The following PHOSPHO1 variants were observed in gnomAD, a reference collection of about 807,000 sequenced individuals.
PHOSPHO1 encodes the protein phosphoethanolamine/phosphocholine phosphatase.
Under a neutral mutation model 17.7 loss-of-function variants are expected in PHOSPHO1, and 6 were observed. That is an observed-to-expected ratio of 0.34 (90% CI 0.19 to 0.67). The LOEUF is 0.67. Among genes scored for constraint, PHOSPHO1 ranks in the 30% least tolerant of loss-of-function variants. The pLI is 0.69. For missense variants in PHOSPHO1, 330 were observed against 392.1 expected (o/e 0.84, Z 1.34); for synonymous variants, 159 against 174.6 (o/e 0.91, Z 0.71).
chr17:49,224,789 C>G lies in PHOSPHO1; in HGVS notation c.261G>C (p.Arg87=). ...KYLGEQGVRP[R]DLSAIYEAIP... is the part of the protein sequence containing the mutation. ...TGGCTTCGTAGATGGCGCTCAGGTCCCGCGGCCGCACGCCCTGCTCGCCCA... is the reference window on the plus strand; with the variant it reads ...TGGCTTCGTAGATGGCGCTCAGGTCGCGCGGCCGCACGCCCTGCTCGCCCA... The change falls in exon 3 of 3, where the codon CGG becomes CGC. Residue 87 remains arginine, a synonymous_variant. Coordinates refer to ENST00000310544, the MANE Select transcript of PHOSPHO1 (RefSeq NM_178500.4). 6.3e-7 allele frequency: 1 copy of G among 1,598,692 alleles called. No homozygotes were observed. The highest frequency in any genetic ancestry group is 8.5e-7 in the Non-Finnish European group (1 of 1,173,086).
At chr17:49,228,993 A>G (rs605256) in intron 1 of PHOSPHO1, 1 of 17,664 alleles carries the variant, frequency 5.7e-5, no homozygotes, top group African/African-American at 1.2e-4. Flanking sequence ...CACACACACA[A>G]AACTCCTCAT....
intron 1 of PHOSPHO1, among the ~76,000 whole-genome samples, chr17:49,227,698 CAG>C (rs2043371060): frequency 6.6e-6 from 1 of 152,192 alleles, no homozygotes; most frequent in Non-Finnish European, 1.5e-5. Context: ...CGCCCCAGGA[CAG>C]AGACGGGGAC....
In PHOSPHO1 at chr17:49,224,945, C is replaced by T. The variant is rs763776397; in HGVS notation, c.105G>A (p.Glu35=). ...CGTCGCTGTTTTCGTCCACGATAGT[C>T]TCGTCGAAGTCGAAGGTCAGGAGGA... is the stretch of plus-strand genomic sequence containing the variant. The part of the protein sequence containing the change: ...PRFLLTFDFD[E]TIVDENSDDS... The change falls in exon 3 of 3, where the codon GAG becomes GAA. Residue 35 remains glutamate, a synonymous_variant. Transcript: ENST00000310544. The T allele has an allele frequency of 6.3e-6, 10 of 1,586,644 alleles. No individual in the cohort carries two copies. The African/African-American group carries it at 1.1e-4, about 17-fold the overall frequency.
At position 49,230,739 on chromosome 17, in the gene PHOSPHO1, CG is replaced by C; in HGVS notation, c.-340del. ...AGCCGCCGCGTCCCCTTTAAATGCC[CG>C]GGAGCCGGAGCCGGAGCCGGAGCCG... is the stretch of plus-strand genomic sequence containing the variant. On this transcript the variant is annotated 5_prime_UTR_variant, in exon 1 of 3. Transcript: ENST00000310544. 1 of 156,058 alleles carries C rather than the reference CG, an allele frequency of 6.4e-6. No homozygotes were observed. Among genetic ancestry groups the C allele is most frequent in the East Asian group, 1.9e-4 (1 of 5,274 alleles). The allele number at this position is 156,058 out of a possible 1,614,324, so 9.7% of individuals were successfully genotyped here. A position where few individuals can be genotyped will look rare whatever the true frequency, so the allele number is the denominator to read the frequency against.
intron 1 of PHOSPHO1, among the ~76,000 whole-genome samples, chr17:49,230,086 G>A (rs962958645): frequency 1.3e-5 from 2 of 152,056 alleles, no homozygotes; most frequent in African/African-American, 4.8e-5. Context: ...GGGATCCTAG[G>A]GGCAGGGGCA....
chr17:49,223,868 T>G lies in PHOSPHO1; in HGVS notation c.*378A>C, dbSNP rs1341069477. 1 of 192,314 alleles carries G rather than the reference T, an allele frequency of 5.2e-6. No individual in the cohort carries two copies. Among genetic ancestry groups the G allele is most frequent in the South Asian group, 1.7e-4 (1 of 5,980 alleles). The allele number at this position is 192,314 out of a possible 1,614,324, so 11.9% of individuals were successfully genotyped here. A position where few individuals can be genotyped will look rare whatever the true frequency, so the allele number is the denominator to read the frequency against. The stretch of plus-strand genomic sequence containing the variant: ...CCACAGTAGACTGGAGGAGGGGCGG[T>G]CACGCAGCCCGAGGCAACAAGTTAC... On this transcript the variant is annotated 3_prime_UTR_variant, in exon 3 of 3. Transcript: ENST00000310544.
chr17:49,228,308 C>T (rs1429745409), intron 1 of PHOSPHO1, among the ~76,000 whole-genome samples: 4 of 132,372 alleles, frequency 3.0e-5, no homozygotes, highest in African/African-American at 1.3e-4. Flanking sequence ...TCCTTCCTTC[C>T]TTCCTTCCTT....
chr17:49,225,096 G>C (rs2043339295), intron 2 of PHOSPHO1, 92 bp from the exon 3 acceptor site: 2 of 1,443,600 alleles, frequency 1.4e-6, no homozygotes, highest in East Asian at 5.0e-5. Flanking sequence ...AGGCTGGTTA[G>C]CGGGCCACGG....
chr17:49,228,246 CTCCTTCCT>C (rs59056166), intron 1 of PHOSPHO1, among the ~76,000 whole-genome samples: 10,281 of 134,594 alleles, frequency 0.076, 550 homozygotes, highest in African/African-American at 0.12. Context: ...TCCTGTCTCT[CTCCTTCCT>C]TCCTTCCTTC....
In PHOSPHO1 at chr17:49,224,801, G is replaced by C. The variant is rs1159471389; in HGVS notation, c.249C>G (p.Gly83=). The stretch of plus-strand genomic sequence containing the variant: ...TGGCGCTCAGGTCCCGCGGCCGCAC[G>C]CCCTGCTCGCCCAGGTACTTGAAGA... ...QRVFKYLGEQ[G]VRPRDLSAIY... Residue 83 remains glycine, a synonymous_variant, in exon 3 of 3, where the codon GGC becomes GGG. Transcript: ENST00000310544. 6.3e-7 allele frequency: 1 copy of C among 1,598,586 alleles called. No homozygotes were observed. The highest frequency in any genetic ancestry group is 1.7e-5 in the Admixed American group (1 of 57,528).
Position 49,224,818 on chromosome 17 carries a change from A to G in PHOSPHO1, c.232T>C (p.Tyr78His). 6.2e-7 allele frequency: 1 copy of G among 1,603,352 alleles called. No individual in the cohort carries two copies. The highest frequency in any genetic ancestry group is 8.5e-7 in the Non-Finnish European group (1 of 1,175,258). Residue 78 changes from tyrosine to histidine, a missense_variant, in exon 3 of 3, where the codon TAC becomes CAC. By Grantham distance (83) the Tyr-to-His change is moderately conservative. Coordinates refer to ENST00000310544, the MANE Select transcript of PHOSPHO1 (RefSeq NM_178500.4). ...YNEYMQRVFK[Y>H]LGEQGVRPRD... ...GGCCGCACGCCCTGCTCGCCCAGGT[A>G]CTTGAAGACGCGCTGCATGTACTCG...
chr17:49,226,736 C>T lies in PHOSPHO1; in HGVS notation c.-45G>A, dbSNP rs2043361889. 1.2e-6 allele frequency: 2 copies of T among 1,611,426 alleles called. No individual in the cohort carries two copies. ...GCACCACCTGTAGGGACTCTGTTGG[C>T]CTCCAGCCGTCGTCACACGTTCCTG... On this transcript the variant is annotated 5_prime_UTR_variant, in exon 2 of 3. Transcript: ENST00000310544.
chr17:49,225,135 A>C (rs2043339919), intron 2 of PHOSPHO1, 131 bp from the exon 3 acceptor site: 1 of 1,438,094 alleles, frequency 7.0e-7, no homozygotes, highest in African/African-American at 1.4e-5. Flanking sequence ...CCAACACCTG[A>C]GGAGGACCCA....
intron 1 of PHOSPHO1, among the ~76,000 whole-genome samples, chr17:49,229,536 G>C (rs1298160441): frequency 6.6e-6 from 1 of 152,086 alleles, no homozygotes; most frequent in African/African-American, 2.4e-5. Context: ...GCCCCTCTCT[G>C]ATACAGGCCC....
chr17:49,225,263 CG>C (rs2043341700), intron 2 of PHOSPHO1: 3 of 1,401,680 alleles, frequency 2.1e-6, no homozygotes, highest in Non-Finnish European at 1.8e-6. Context: ...GAGGGCTTCT[CG>C]GCACCTGTTT....
Position 49,224,987 on chromosome 17 carries a change from C to A in PHOSPHO1, c.63G>T (p.Ala21=). The A allele has an allele frequency of 6.5e-7, 1 of 1,538,690 alleles. No homozygotes were observed. The highest frequency in any genetic ancestry group is 8.8e-7 in the Non-Finnish European group (1 of 1,142,792). ...TCAGGAGGAAGCGCGGCGCGCCCTG[C>A]GCGGCCATCCTGCCGTCCTGGGAGC... The part of the protein sequence containing the change: ...RCLSRDGRMA[A]QGAPRFLLTF... The change falls in exon 3 of 3, where the codon GCG becomes GCT. Residue 21 remains alanine (A), a synonymous_variant. Transcript: ENST00000310544.
intron 1 of PHOSPHO1, among the ~76,000 whole-genome samples, chr17:49,229,915 T>C (rs2043396298): frequency 6.6e-6 from 1 of 152,068 alleles, no homozygotes; most frequent in Admixed American, 6.5e-5. Context: ...CTTGGGAGAA[T>C]TGCAGCTGGA....
chr17:49,225,123 A>T, intron 2 of PHOSPHO1, 119 bp from the exon 3 acceptor site: 3 of 1,440,234 alleles, frequency 2.1e-6, no homozygotes, highest in Middle Eastern at 2.0e-4. Flanking sequence ...GCGCTGGCAC[A>T]TCCAACACCT....
chr17:49,229,018 TAC>T (rs1446197718), intron 1 of PHOSPHO1: 2 of 151,656 alleles, frequency 1.3e-5, no homozygotes, highest in Non-Finnish European at 2.9e-5. Flanking sequence ...CATCATAAAA[TAC>T]AGTTACATTT....
Sources: allele counts gnomAD v4.1 joint callset (sites outside exome capture counted in the v4.1 genomes callset), GRCh38; gene constraint gnomAD v4.1.1; transcripts MANE v1.5; gene names NCBI Gene and HGNC (gene_info 2026-07-23, HGNC 2026-07-21).